EXT1: variants seen among roughly 807,000 people sequenced by gnomAD.
EXT1 encodes the protein exostosin-1.
A neutral mutation model predicts 82.5 loss-of-function variants in EXT1; 20 were observed. That is an observed-to-expected ratio of 0.24 (90% CI 0.17 to 0.35). EXT1 has a LOEUF of 0.35. EXT1 is among the 10% of genes least tolerant of loss of function. The pLI is 1.00. For synonymous variants in EXT1, 348 were observed against 350.8 expected (o/e 0.99, Z 0.09); for missense variants, 757 against 936.5 (o/e 0.81, Z 2.50).
intron 1 of EXT1, among the ~76,000 whole-genome samples, chr8:118,101,963 AAAC>A (rs1334931994): frequency 2.0e-5 from 3 of 152,074 alleles, no homozygotes; most frequent in Non-Finnish European, 2.9e-5. Flanking sequence ...AAAAAAAAAA[AAAC>A]AAGTTAAATA....
Position 118,111,432 on chromosome 8 carries a change from T to TA in EXT1, c.-387_-386insT. The TA allele has an allele frequency of 3.8e-6, 2 of 520,478 alleles. No individual in the cohort carries two copies. The highest frequency in any genetic ancestry group is 3.6e-5 in the Admixed American group (1 of 28,118). The allele number at this position is 520,478 out of a possible 1,614,324, so 32.2% of individuals were successfully genotyped here. On this transcript the variant is annotated 5_prime_UTR_variant, in exon 1 of 11. Coordinates refer to ENST00000378204, the MANE Select transcript of EXT1 (RefSeq NM_000127.3). ...GGCAAGACGAAGTGATTGCCTTGCC[T>TA]CTCGGATTCCTCTCGGCAGCGTGGA...
rs2514721 is a variant in EXT1, at chr8:117,963,286, C to T, written c.963-126085G>A. On this transcript the variant is annotated intron_variant, in intron 1 of 10. Transcript: ENST00000378204. ...CTTGCTGCCACTGAGCCTGTGGTTA[C>T]CTTGTCCAACTAGCTGCCACTGGAC... Among the ~76,000 whole-genome samples, 73 of 152,264 alleles carry T rather than the reference C, an allele frequency of 4.8e-4. 1 individual carries two copies. The East Asian group carries it at 0.013, about 26-fold the overall frequency.
At position 117,799,855 on chromosome 8, in the gene EXT1, G is replaced by C. The variant is rs773320520; in HGVS notation, c.2098C>G (p.Gln700Glu). 3 of 1,614,032 alleles carry C rather than the reference G, an allele frequency of 1.9e-6. No homozygotes were observed. Among genetic ancestry groups the C allele is most frequent in the Non-Finnish European group, 2.5e-6 (3 of 1,180,040 alleles). Residue 700 changes from glutamine to glutamate, a missense_variant, in exon 11 of 11, where the codon CAG (glutamine) becomes GAG (glutamate). By Grantham distance (29) the Gln-to-Glu change is conservative. Coordinates refer to ENST00000378204, the MANE Select transcript of EXT1 (RefSeq NM_000127.3). ...SRWADPDHFA[Q>E]RQSCMNTFAS... The stretch of plus-strand genomic sequence containing the variant: ...AACGTATTCATGCAGCTCTGTCGCT[G>C]GGCAAAGTGGTCAGGGTCAGCCCAA...
intron 1 of EXT1, among the ~76,000 whole-genome samples, chr8:117,991,106 G>A (rs963661715): frequency 2.0e-5 from 3 of 150,396 alleles, no homozygotes; most frequent in Admixed American, 6.6e-5. Context: ...TCCAGACTTC[G>A]ATGTCTTTTT....
At chr8:117,897,591 C>CTTTTTTTTTTTTTTTTTTTTTTTTTTTTT (rs34963536) in intron 1 of EXT1, among the ~76,000 whole-genome samples, 1 of 90,656 alleles carries the variant, frequency 1.1e-5, no homozygotes, top group African/African-American at 4.4e-5. Flanking sequence ...CTTCTTTTCT[C>CTTTTTTTTTTTTTTTTTTTTTTTTTTTTT]TTTTTTTTTT....
rs71307404 is a variant in EXT1 at position 117,809,218 on chromosome 8, A to AATATAT, written c.1723-1847_1723-1842dup. Among the ~76,000 whole-genome samples, 712 of 107,914 alleles carry AATATAT rather than the reference A, an allele frequency of 6.6e-3. 12 individuals carry two copies. The highest frequency in any genetic ancestry group is 0.012 in the African/African-American group (384 of 32,006). 70.8% of individuals were successfully genotyped at this position (107,914 alleles called of 152,430 possible). A position where few individuals can be genotyped will look rare whatever the true frequency, so the allele number is the denominator to read the frequency against. ...GTATATATATGTGTGTGTGTGTATA[A>AATATAT]ATATATATATATATATATATATATA... On this transcript the variant is annotated intron_variant, in intron 8 of 10. Coordinates refer to ENST00000378204, the MANE Select transcript of EXT1 (RefSeq NM_000127.3).
chr8:117,905,072 C>T (rs1813518434), intron 1 of EXT1, among the ~76,000 whole-genome samples: 1 of 152,192 alleles, frequency 6.6e-6, no homozygotes, highest in African/African-American at 2.4e-5. Flanking sequence ...AAGAACATTC[C>T]ATTTCTAGCT....
At chr8:117,908,895 G>A (rs1043370379) in intron 1 of EXT1, among the ~76,000 whole-genome samples, 1 of 151,742 alleles carries the variant, frequency 6.6e-6, no homozygotes, top group African/African-American at 2.4e-5. Context: ...AGGCTGAGGA[G>A]GGCAGATCGC....
chr8:118,093,073 G>A (rs17506266), intron 1 of EXT1, among the ~76,000 whole-genome samples: 4 of 151,988 alleles, frequency 2.6e-5, no homozygotes, highest in Admixed American at 1.3e-4. Context: ...TATTTTTATC[G>A]TGCTGCTGCT....
chr8:117,841,354 A>T (rs1192936250), intron 1 of EXT1, among the ~76,000 whole-genome samples: 2 of 152,186 alleles, frequency 1.3e-5, no homozygotes, highest in Non-Finnish European at 2.9e-5. Flanking sequence ...TCATGAAATC[A>T]CATAGTTACA....
intron 3 of EXT1, among the ~76,000 whole-genome samples, chr8:117,831,221 G>A (rs1448529651): frequency 6.6e-6 from 1 of 152,164 alleles, no homozygotes; most frequent in Non-Finnish European, 1.5e-5. Flanking sequence ...TACTACCTGT[G>A]CTTTCTTGAA....
intron 1 of EXT1, among the ~76,000 whole-genome samples, chr8:117,885,786 A>T (rs1354774397): frequency 6.6e-6 from 1 of 152,202 alleles, no homozygotes; most frequent in African/African-American, 2.4e-5. Context: ...AGAATTCATT[A>T]ATCTTTTTCC....
intron 1 of EXT1, among the ~76,000 whole-genome samples, chr8:117,946,697 A>C (rs991088570): frequency 7.0e-6 from 1 of 143,318 alleles, no homozygotes; most frequent in African/African-American, 2.5e-5. Context: ...GCATTGATCC[A>C]GGGCAGGGTG....
intron 1 of EXT1, among the ~76,000 whole-genome samples, chr8:117,988,273 A>G (rs1368379600): frequency 4.6e-5 from 7 of 152,206 alleles, no homozygotes; most frequent in African/African-American, 1.7e-4. Context: ...AACCTCTAAC[A>G]AATATTACTT....
intron 1 of EXT1, among the ~76,000 whole-genome samples, chr8:117,934,200 G>C (rs2129656042): frequency 6.6e-6 from 1 of 152,060 alleles, no homozygotes; most frequent in East Asian, 1.9e-4. Context: ...GGCTTGTCGG[G>C]TTTTGTTCTC....
chr8:117,855,498 T>C (rs577851204), intron 1 of EXT1, among the ~76,000 whole-genome samples: 1 of 152,180 alleles, frequency 6.6e-6, no homozygotes, highest in African/African-American at 2.4e-5. Context: ...ATTAAGATGG[T>C]GAACTTGAAA....
chr8:117,942,652 G>A (rs1212921574), intron 1 of EXT1, among the ~76,000 whole-genome samples: 5 of 152,024 alleles, frequency 3.3e-5, no homozygotes, highest in African/African-American at 7.2e-5. Context: ...TGGAGGTTGC[G>A]GTGAGCTGAG....
At chr8:117,923,621 G>C (rs1813900332) in intron 1 of EXT1, among the ~76,000 whole-genome samples, 1 of 151,704 alleles carries the variant, frequency 6.6e-6, no homozygotes, top group Non-Finnish European at 1.5e-5. Context: ...AGCTACTCGG[G>C]AGGCTGAGGC....
Position 117,795,577 on chromosome 8 carries a change from A to G in EXT1, c.*4135T>C, listed in dbSNP as rs1294332662. The G allele has an allele frequency of 1.3e-5, 2 of 151,236 alleles. No homozygotes were observed. Among genetic ancestry groups the G allele is most frequent in the African/African-American group, 4.9e-5 (2 of 41,058 alleles). The allele number at this position is 151,236 out of a possible 1,614,324, so 9.4% of individuals were successfully genotyped here. ...TTTGGGAGGCAGAGGCAGGTGGATC[A>G]CCTGAGGTCAGGAGTTTGAGACCAG... On this transcript the variant is annotated 3_prime_UTR_variant, in exon 11 of 11. Transcript: ENST00000378204.
Sources: gnomAD v4.1 joint callset for allele counts (sites outside exome capture counted in the v4.1 genomes callset) on GRCh38, gnomAD v4.1.1 for gene constraint, MANE v1.5 for transcripts, NCBI Gene and HGNC (gene_info 2026-07-23, HGNC 2026-07-21) for gene names.